RGS5: variants seen among roughly 807,000 people sequenced by gnomAD.
RGS5 encodes the protein regulator of G protein signaling 5, also known as regulator of G-protein signalling 5.
RGS5 carries 20 observed loss-of-function variants against 18.9 expected under a neutral mutation model. The observed-to-expected ratio is 1.06, with a 90% CI of 0.74 to 1.54. RGS5 has a LOEUF of 1.54. Among genes scored for constraint, RGS5 ranks in the 40% most tolerant of loss-of-function variants. The probability of loss-of-function intolerance (pLI) is 0.00; values close to 1 mark genes in which losing one functional copy is unlikely to be tolerated. For synonymous variants in RGS5, 57 were observed against 76.2 expected (o/e 0.75, Z 1.31); for missense variants, 201 against 211.8 (o/e 0.95, Z 0.32).
chr1:163,313,437 G>A (rs1413340726), intron 1 of RGS5, among the ~76,000 whole-genome samples: 2 of 152,142 alleles, frequency 1.3e-5, no homozygotes, highest in African/African-American at 4.8e-5. Context: ...TCTCTTTGGA[G>A]TGATAGGAGA....
At chr1:163,230,399 T>C (rs1344021271) in intron 2 of RGS5, among the ~76,000 whole-genome samples, 1 of 152,188 alleles carries the variant, frequency 6.6e-6, no homozygotes, top group Non-Finnish European at 1.5e-5. Context: ...AATGTTATAG[T>C]GATAATGCTA....
intron 2 of RGS5, among the ~76,000 whole-genome samples, chr1:163,259,261 C>T (rs2101704261): frequency 6.6e-6 from 1 of 152,158 alleles, no homozygotes; most frequent in East Asian, 1.9e-4. Flanking sequence ...ATGCCATTCT[C>T]CTGCCTCAGC....
rs1657001871 is a variant in RGS5, at chr1:163,143,422, A to C, written c.*3920T>G. ...TCTGGCACATGCAAGCCAGATATGG[A>C]CAGGAAACCCTCAATATTTATTCAT... is the stretch of plus-strand genomic sequence containing the variant. On this transcript the variant is annotated 3_prime_UTR_variant, in exon 5 of 5. Transcript: ENST00000313961. 2 of 152,170 alleles carry C rather than the reference A, an allele frequency of 1.3e-5. No individual in the cohort carries two copies. Among genetic ancestry groups the C allele is most frequent in the Non-Finnish European group, 2.9e-5 (2 of 68,020 alleles). 9.4% of individuals were successfully genotyped at this position (152,170 alleles called of 1,614,324 possible).
chr1:163,275,161 G>T (rs770541766), intron 2 of RGS5, among the ~76,000 whole-genome samples: 1 of 152,092 alleles, frequency 6.6e-6, no homozygotes, highest in Non-Finnish European at 1.5e-5. Flanking sequence ...GTCTTCTCTG[G>T]TTTTTATTAA....
At chr1:163,199,567 T>C (rs1218709412) in intron 1 of RGS5, among the ~76,000 whole-genome samples, 1 of 152,126 alleles carries the variant, frequency 6.6e-6, no homozygotes, top group African/African-American at 2.4e-5. Flanking sequence ...ACTTCTCTTT[T>C]TGTTGTTTAA....
rs368272525 is a variant in RGS5, at chr1:163,191,472, G to T, written c.44+11320C>A. 1.3e-4 allele frequency among the ~76,000 whole-genome samples: 20 copies of T among 152,320 alleles called. No homozygotes were observed. In the South Asian group the frequency reaches 2.1e-3, roughly 16 times the overall value. ...ATCCTCTTCAGAGTAACAGTTTAAT[G>T]GAGAAGTGAAACAAGTAACTGAAAC... On this transcript the variant is annotated intron_variant, in intron 1 of 4. Transcript: ENST00000313961.
chr1:163,258,377 T>C (rs1383654954), intron 2 of RGS5, among the ~76,000 whole-genome samples: 1 of 152,198 alleles, frequency 6.6e-6, no homozygotes, highest in African/African-American at 2.4e-5. Context: ...TGCTTAAACA[T>C]GGCAAAGCCC....
At chr1:163,252,853 CATTA>C (rs1648147020) in intron 2 of RGS5, among the ~76,000 whole-genome samples, 1 of 152,050 alleles carries the variant, frequency 6.6e-6, no homozygotes, top group African/African-American at 2.4e-5. Flanking sequence ...TTGGATTTAC[CATTA>C]ATTGTTTGTG....
At chr1:163,263,814 A>G (rs546608977) in intron 2 of RGS5, among the ~76,000 whole-genome samples, 2 of 151,758 alleles carry the variant, frequency 1.3e-5, no homozygotes, top group African/African-American at 4.8e-5. Flanking sequence ...TATGAACAAT[A>G]AGACCTGAAC....
chr1:163,199,719 AGTGGTTTCAGCACAGGGC>A, intron 1 of RGS5, among the ~76,000 whole-genome samples: 1 of 152,252 alleles, frequency 6.6e-6, no homozygotes, highest in African/African-American at 2.4e-5. Flanking sequence ...GCCATGGCCC[AGTGGTTTCAGCACAGGGC>A]TGGGTCCTTG....
At chr1:163,155,150 T>C (rs1449093931) in intron 3 of RGS5, among the ~76,000 whole-genome samples, 1 of 152,092 alleles carries the variant, frequency 6.6e-6, no homozygotes, top group African/African-American at 2.4e-5. Flanking sequence ...AATAAGTCTG[T>C]GACAAATTTA....
At chr1:163,233,843 G>A (rs1647547087) in intron 2 of RGS5, among the ~76,000 whole-genome samples, 1 of 152,194 alleles carries the variant, frequency 6.6e-6, no homozygotes, top group African/African-American at 2.4e-5. Flanking sequence ...CAAGGGCAGG[G>A]AGGGTGTATT....
At chr1:163,281,659 C>T (rs1648994299) in intron 2 of RGS5, among the ~76,000 whole-genome samples, 1 of 152,118 alleles carries the variant, frequency 6.6e-6, no homozygotes, top group African/African-American at 2.4e-5. Context: ...AGGGGGCACA[C>T]AACCAAACCA....
chr1:163,180,828 T>G (rs4622040), intron 1 of RGS5, among the ~76,000 whole-genome samples: 143,943 of 151,586 alleles, frequency 0.95, 68,771 homozygotes, highest in Non-Finnish European at 1. Flanking sequence ...CCGAGTAGCT[T>G]GGACTACAGG....
chr1:163,172,430 CCTA>C, intron 1 of RGS5: 1 of 975,894 alleles, frequency 1.0e-6, no homozygotes, highest in Non-Finnish European at 1.5e-6. Context: ...GAATCAGTAC[CCTA>C]CTACTATTTT....
intron 1 of RGS5, among the ~76,000 whole-genome samples, chr1:163,315,369 CAACA>C (rs1649992772): frequency 6.6e-6 from 1 of 152,066 alleles, no homozygotes. Flanking sequence ...TCAGCCTGGC[CAACA>C]TAGTGAGACC....
chr1:163,152,555 T>C lies in RGS5; in HGVS notation c.379A>G (p.Lys127Glu), dbSNP rs759991833. The change falls in exon 4 of 5, where the codon AAA becomes GAA. Residue 127 changes from lysine (K) to glutamate (E), a missense_variant. By Grantham distance (56) the Lys-to-Glu change is moderately conservative. Transcript: ENST00000313961. The part of the protein sequence containing the change: ...YEEFIQTEAP[K>E]EVNIDHFTKD... ...CCACCTACCCAGAGACCAACCTCTTTAGGAGCCTCCGTTTGAATGAATTCT... is the reference window on the plus strand; with the variant it reads ...CCACCTACCCAGAGACCAACCTCTTCAGGAGCCTCCGTTTGAATGAATTCT... 22 of 1,611,840 alleles carry C rather than the reference T, an allele frequency of 1.4e-5. No individual in the cohort carries two copies. The highest frequency in any genetic ancestry group is 1.3e-4 in the African/African-American group (10 of 74,840).
intron 1 of RGS5, among the ~76,000 whole-genome samples, chr1:163,172,097 A>T (rs1285761636): frequency 6.6e-6 from 1 of 152,200 alleles, no homozygotes. Flanking sequence ...TTGTACTGCA[A>T]GAGGGTGAAA....
chr1:163,231,051 G>A (rs1647467936), intron 2 of RGS5, among the ~76,000 whole-genome samples: 1 of 152,168 alleles, frequency 6.6e-6, no homozygotes, highest in Non-Finnish European at 1.5e-5. Context: ...ACCATTCTCT[G>A]GCCAATACAG....
Sources: allele counts gnomAD v4.1 joint callset (sites outside exome capture counted in the v4.1 genomes callset), GRCh38; gene constraint gnomAD v4.1.1; transcripts MANE v1.5; gene names NCBI Gene and HGNC (gene_info 2026-07-23, HGNC 2026-07-21).